NEK11: variants seen among roughly 807,000 people sequenced by gnomAD.
The protein encoded by NEK11 is serine/threonine-protein kinase Nek11.
In NEK11, 72 loss-of-function variants were observed where a neutral mutation model predicts 80.7. The ratio of observed to expected loss-of-function variants is 0.89; its 90% CI spans 0.74 to 1.08. The LOEUF (loss-of-function observed/expected upper bound fraction) is 1.08. Among genes scored for constraint, NEK11 ranks in the 50% least tolerant of loss-of-function variants. NEK11 has a pLI of 0.00. For synonymous variants in NEK11, 251 were observed against 260.7 expected, an observed-to-expected ratio of 0.96 and a Z score of 0.36; for missense variants, 764 against 763.6, an observed-to-expected ratio of 1.00 and a Z score of -0.01.
At chr3:131,306,215 T>TC (rs1299942560) in intron 17 of NEK11, among the ~76,000 whole-genome samples, 1 of 152,210 alleles carries the variant, frequency 6.6e-6, no homozygotes, top group Non-Finnish European at 1.5e-5. Context: ...CCCTGCCTTG[T>TC]CTTGTTCTGG....
At chr3:131,337,014 G>C (rs946918546) in intron 17 of NEK11, among the ~76,000 whole-genome samples, 3 of 152,108 alleles carry the variant, frequency 2.0e-5, no homozygotes, top group Non-Finnish European at 4.4e-5. Context: ...TACACTGTTG[G>C]TGGGACTGTA....
At chr3:131,107,919 A>G (rs917885762) in intron 4 of NEK11, among the ~76,000 whole-genome samples, 11 of 152,154 alleles carry the variant, frequency 7.2e-5, no homozygotes, top group African/African-American at 2.2e-4. Context: ...TACAGCTTGT[A>G]TGGCTCAACA....
intron 4 of NEK11, among the ~76,000 whole-genome samples, chr3:131,099,275 C>T (rs776477997): frequency 3.3e-5 from 5 of 151,824 alleles, no homozygotes; most frequent in African/African-American, 4.8e-5. Context: ...AGAGATCAGA[C>T]GGTTGTGTGT....
chr3:131,029,837 C>T lies in NEK11; in HGVS notation c.129C>T (p.Val43=). ...QKLGSGSFGT[V]YLVSDKKAKR... The stretch of plus-strand genomic sequence containing the variant: ...TTGGCAGTGGAAGTTTTGGAACTGT[C>T]TATCTGGTTTCAGACAAGAAAGCCA... Residue 43 remains valine, a synonymous_variant, in exon 3 of 18, where the codon GTC becomes GTT. Transcript: ENST00000383366. The T allele has an allele frequency of 6.2e-7, 1 of 1,614,194 alleles. No individual in the cohort carries two copies. The highest frequency in any genetic ancestry group is 1.1e-5 in the South Asian group (1 of 91,084).
At chr3:131,070,977 C>T (rs939461675) in intron 3 of NEK11, among the ~76,000 whole-genome samples, 3 of 152,114 alleles carry the variant, frequency 2.0e-5, no homozygotes, top group African/African-American at 7.2e-5. Flanking sequence ...ACATAAAATC[C>T]ATTTCAAAAC....
intron 17 of NEK11, among the ~76,000 whole-genome samples, chr3:131,282,099 A>C (rs1392541056): frequency 6.6e-6 from 1 of 151,470 alleles, no homozygotes; most frequent in African/African-American, 2.4e-5. Context: ...TAAAAGCGAT[A>C]CTTTTTTTTC....
At chr3:131,338,578 A>G (rs1168512318) in intron 17 of NEK11, among the ~76,000 whole-genome samples, 1 of 152,190 alleles carries the variant, frequency 6.6e-6, no homozygotes, top group Non-Finnish European at 1.5e-5. Flanking sequence ...AATCTTCAAA[A>G]ACTAGGAACA....
At chr3:131,209,099 G>A (rs544582897) in intron 14 of NEK11, among the ~76,000 whole-genome samples, 58 of 152,202 alleles carry the variant, frequency 3.8e-4, no homozygotes, top group African/African-American at 1.4e-3. Context: ...TTGGCTGTGG[G>A]TTTGTCATAA....
intron 14 of NEK11, among the ~76,000 whole-genome samples, chr3:131,174,547 A>C (rs937198164): frequency 1.3e-5 from 2 of 152,204 alleles, no homozygotes; most frequent in African/African-American, 4.8e-5. Flanking sequence ...ACAGGATAAG[A>C]CTTATTATTT....
chr3:131,343,412 G>A (rs1305384711), intron 17 of NEK11, among the ~76,000 whole-genome samples: 2 of 152,176 alleles, frequency 1.3e-5, no homozygotes, highest in African/African-American at 4.8e-5. Context: ...CCAAATAAGT[G>A]GGCAGTTTGA....
At chr3:131,299,729 G>C (rs2096640435) in intron 17 of NEK11, among the ~76,000 whole-genome samples, 1 of 152,176 alleles carries the variant, frequency 6.6e-6, no homozygotes, top group Admixed American at 6.5e-5. Flanking sequence ...TGACTGTGTA[G>C]TATTCCATGG....
At chr3:131,112,782 A>G (rs993510612) in intron 5 of NEK11, among the ~76,000 whole-genome samples, 3 of 152,170 alleles carry the variant, frequency 2.0e-5, no homozygotes, top group African/African-American at 7.2e-5. Flanking sequence ...CAGAGGTGGG[A>G]AAACATGGAA....
chr3:131,111,719 T>C (rs535363144), intron 5 of NEK11, among the ~76,000 whole-genome samples: 2 of 152,228 alleles, frequency 1.3e-5, no homozygotes, highest in South Asian at 4.1e-4. Flanking sequence ...TTATTTTTAA[T>C]GACAAAAGCC....
rs373412494 is a variant in NEK11 at position 131,161,494 on chromosome 3, A to G, written c.963-914A>G. 2.6e-5 allele frequency among the ~76,000 whole-genome samples: 4 copies of G among 152,350 alleles called. No individual in the cohort carries two copies. The East Asian group carries it at 7.7e-4, about 29-fold the overall frequency. On this transcript the variant is annotated intron_variant, in intron 10 of 17. Coordinates refer to ENST00000383366, the MANE Select transcript of NEK11 (RefSeq NM_024800.5). ...TGGTACATTTACACCATGGGATACT[A>G]CACAGCCATAAAAATAACAAGATCA...
At chr3:131,280,499 A>G (rs549003506) in intron 17 of NEK11, among the ~76,000 whole-genome samples, 1 of 152,030 alleles carries the variant, frequency 6.6e-6, no homozygotes, top group Non-Finnish European at 1.5e-5. Flanking sequence ...GTGTATGTTT[A>G]TAAATAGACA....
intron 17 of NEK11, among the ~76,000 whole-genome samples, chr3:131,288,474 C>T (rs1226601832): frequency 1.5e-4 from 10 of 66,914 alleles, no homozygotes; most frequent in African/African-American, 2.2e-4. Flanking sequence ...TTTTTTGAGA[C>T]GGAGTTTCAC....
Position 131,152,642 on chromosome 3 carries a change from A to C in NEK11, c.809A>C (p.Lys270Thr). ...TTTAAACATTACAGCATGTTGAACAAGAATCCTTCATTAAGACCATCTGCT... is the reference window on the plus strand; with the variant it reads ...TTTAAACATTACAGCATGTTGAACACGAATCCTTCATTAAGACCATCTGCT... ...LNAIMESMLNKNPSLRPSAIE... is the reference protein window; with the variant it reads ...LNAIMESMLNTNPSLRPSAIE... Residue 270 changes from lysine (K) to threonine (T), a missense_variant, in exon 9 of 18, where the codon AAG (lysine) becomes ACG (threonine). Lys to Thr is a moderately conservative substitution (Grantham distance 78). Coordinates refer to ENST00000383366, the MANE Select transcript of NEK11 (RefSeq NM_024800.5). 6.2e-7 allele frequency: 1 copy of C among 1,613,776 alleles called. No individual in the cohort carries two copies. The highest frequency in any genetic ancestry group is 8.5e-7 in the Non-Finnish European group (1 of 1,179,800).
intron 17 of NEK11, among the ~76,000 whole-genome samples, chr3:131,321,207 GCTGT>G (rs1298190257): frequency 6.6e-6 from 1 of 152,040 alleles, no homozygotes; most frequent in Non-Finnish European, 1.5e-5. Context: ...CACACCTACA[GCTGT>G]CTAATTTTTG....
rs536318694 is a variant in NEK11, at chr3:131,087,390, C to T, written c.336+6802C>T. 3.3e-3 allele frequency among the ~76,000 whole-genome samples: 509 copies of T among 152,018 alleles called. 2 individuals carry two copies. Among genetic ancestry groups the T allele is most frequent in the African/African-American group, 0.011 (462 of 41,478 alleles). Reference sequence around the variant, plus strand: ...TCCCGGGTAGCTGTGACTACTGGCGCGTGCCACCACGCCCAGCTAATTTTT... The same window carrying T: ...TCCCGGGTAGCTGTGACTACTGGCGTGTGCCACCACGCCCAGCTAATTTTT... On this transcript the variant is annotated intron_variant, in intron 4 of 17. Transcript: ENST00000383366.
Sources: gnomAD v4.1 joint callset for allele counts (sites outside exome capture counted in the v4.1 genomes callset) on GRCh38, gnomAD v4.1.1 for gene constraint, MANE v1.5 for transcripts, NCBI Gene and HGNC (gene_info 2026-07-23, HGNC 2026-07-21) for gene names.